Variants in PBX3 observed in about 807,000 individuals in gnomAD.
The protein encoded by PBX3 is PBX homeobox 3.
PBX3 carries 14 observed loss-of-function variants against 48.5 expected under a neutral mutation model. The ratio of observed to expected loss-of-function variants is 0.29; its 90% CI spans 0.19 to 0.45. The LOEUF (loss-of-function observed/expected upper bound fraction) is 0.45. PBX3 is among the 20% of genes least tolerant of loss of function. PBX3 has a pLI of 1.00. For synonymous variants in PBX3, 210 were observed against 200.3 expected, an observed-to-expected ratio of 1.05 and a Z score of -0.41; for missense variants, 386 against 546.7, an observed-to-expected ratio of 0.71 and a Z score of 2.93.
At chr9:125,861,938 A>G (rs1425300264) in intron 2 of PBX3, among the ~76,000 whole-genome samples, 1 of 152,360 alleles carries the variant, frequency 6.6e-6, no homozygotes, top group East Asian at 1.9e-4. Context: ...ATTGAATTGT[A>G]TACTTTAGGT....
intron 2 of PBX3, chr9:125,797,289 T>A (rs1376090385): frequency 6.6e-6 from 1 of 152,168 alleles, no homozygotes; most frequent in African/African-American, 2.4e-5. Context: ...TTTAAATTAC[T>A]AATCAGTAAT....
At chr9:125,956,063 TTCC>T in intron 5 of PBX3, among the ~76,000 whole-genome samples, 1 of 152,350 alleles carries the variant, frequency 6.6e-6, no homozygotes, top group East Asian at 1.9e-4. Context: ...CTCTCGTTTC[TTCC>T]TTGATAAAAC....
chr9:125,930,866 C>T (rs1182554907), intron 4 of PBX3, among the ~76,000 whole-genome samples: 1 of 152,186 alleles, frequency 6.6e-6, no homozygotes, highest in African/African-American at 2.4e-5. Context: ...TTGAAAACCA[C>T]AGTAGCTTTC....
chr9:125,774,661 G>GT (rs34704892), intron 2 of PBX3, among the ~76,000 whole-genome samples: 14 of 149,248 alleles, frequency 9.4e-5, no homozygotes, highest in East Asian at 7.8e-4. Flanking sequence ...GGGCAGTTGG[G>GT]TTTTTTTTTT....
intron 2 of PBX3, among the ~76,000 whole-genome samples, chr9:125,844,261 C>G (rs143078304): frequency 2.0e-5 from 3 of 148,312 alleles, no homozygotes; most frequent in African/African-American, 5.0e-5. Context: ...GCAACAAGCT[C>G]CATAAGTGAC....
At chr9:125,851,380 G>A (rs961205720) in intron 2 of PBX3, among the ~76,000 whole-genome samples, 1 of 151,968 alleles carries the variant, frequency 6.6e-6, no homozygotes, top group African/African-American at 2.4e-5. Context: ...AAGAAAGATC[G>A]ACAGCCTAGG....
intron 2 of PBX3, among the ~76,000 whole-genome samples, chr9:125,892,617 AT>A (rs1261152285): frequency 6.6e-5 from 10 of 152,304 alleles, no homozygotes; most frequent in African/African-American, 2.2e-4. Context: ...TGAAGGAAAA[AT>A]ATATGTATTC....
chr9:125,749,822 G>A (rs2131942676), intron 2 of PBX3, among the ~76,000 whole-genome samples: 1 of 152,254 alleles, frequency 6.6e-6, no homozygotes, highest in Non-Finnish European at 1.5e-5. Context: ...AAGTAATCAA[G>A]AAAAGATGAT....
intron 2 of PBX3, among the ~76,000 whole-genome samples, chr9:125,912,333 A>G (rs1253537443): frequency 6.6e-6 from 1 of 152,126 alleles, no homozygotes; most frequent in Non-Finnish European, 1.5e-5. Flanking sequence ...TCACATCTGC[A>G]GCTTAGAATT....
At chr9:125,866,990 CAT>C (rs1839997425) in intron 2 of PBX3, among the ~76,000 whole-genome samples, 1 of 152,136 alleles carries the variant, frequency 6.6e-6, no homozygotes, top group African/African-American at 2.4e-5. Context: ...AGTTGTACTA[CAT>C]ATGTGTAATT....
At chr9:125,897,094 C>A (rs1379900839) in intron 2 of PBX3, among the ~76,000 whole-genome samples, 1 of 147,556 alleles carries the variant, frequency 6.8e-6, no homozygotes, top group Non-Finnish European at 1.5e-5. Flanking sequence ...CACTTAAATA[C>A]AGTGTCTTGT....
intron 2 of PBX3, among the ~76,000 whole-genome samples, chr9:125,887,891 T>C (rs559659983): frequency 2.6e-5 from 4 of 152,156 alleles, no homozygotes; most frequent in Non-Finnish European, 5.9e-5. Flanking sequence ...AATAAGAATT[T>C]TACTGCAGTA....
chr9:125,899,664 C>T (rs1382192433), intron 2 of PBX3, among the ~76,000 whole-genome samples: 4 of 151,118 alleles, frequency 2.6e-5, no homozygotes, highest in Non-Finnish European at 5.9e-5. Flanking sequence ...CTTCACTCTG[C>T]GGTTTCTGCA....
chr9:125,771,054 CT>C (rs1389709311), intron 2 of PBX3, among the ~76,000 whole-genome samples: 5 of 152,210 alleles, frequency 3.3e-5, no homozygotes, highest in African/African-American at 9.6e-5. Context: ...CTGGGTCAGG[CT>C]TGGGAAGATA....
At chr9:125,789,203 C>T (rs1320306257) in intron 2 of PBX3, among the ~76,000 whole-genome samples, 4 of 152,006 alleles carry the variant, frequency 2.6e-5, no homozygotes, top group African/African-American at 9.7e-5. Context: ...CCAATTTTTC[C>T]TATTATAAAA....
At chr9:125,928,613 C>T (rs1031746956) in intron 3 of PBX3, among the ~76,000 whole-genome samples, 9 of 151,882 alleles carry the variant, frequency 5.9e-5, no homozygotes, top group African/African-American at 2.2e-4. Flanking sequence ...CTACAGGCAC[C>T]CGCCACCACG....
intron 2 of PBX3, among the ~76,000 whole-genome samples, chr9:125,887,235 C>T (rs942735297): frequency 2.6e-5 from 4 of 152,004 alleles, no homozygotes; most frequent in Non-Finnish European, 5.9e-5. Flanking sequence ...CAGTTCTGAC[C>T]AATTCCTTTC....
chr9:125,766,236 C>A (rs1052839722), intron 2 of PBX3, among the ~76,000 whole-genome samples: 8 of 151,880 alleles, frequency 5.3e-5, no homozygotes, highest in African/African-American at 1.9e-4. Flanking sequence ...TCTTCTAATT[C>A]TTTACATATA....
At chr9:125,902,757 ATTAG>A (rs1233708397) in intron 2 of PBX3, among the ~76,000 whole-genome samples, 1 of 151,690 alleles carries the variant, frequency 6.6e-6, no homozygotes, top group Non-Finnish European at 1.5e-5. Context: ...GTGAATGTAT[ATTAG>A]TTAATGTGTT....
Sources: allele counts gnomAD v4.1 joint callset (sites outside exome capture counted in the v4.1 genomes callset), GRCh38; gene constraint gnomAD v4.1.1; transcripts MANE v1.5; gene names NCBI Gene and HGNC (gene_info 2026-07-23, HGNC 2026-07-21).